CHD6: variants seen among roughly 807,000 people sequenced by gnomAD.
CHD6 encodes ATP-dependent chromatin remodeler CHD6.
In CHD6, 50 loss-of-function variants were observed where a neutral mutation model predicts 276.9. The observed-to-expected ratio is 0.18, with a 90% CI of 0.14 to 0.23. The LOEUF (loss-of-function observed/expected upper bound fraction) is 0.23, where lower values mean the gene tolerates loss of function less well. Among genes scored for constraint, CHD6 ranks in the 10% least tolerant of loss-of-function variants. CHD6 has a pLI of 1.00. For missense variants in CHD6, 2,564 were observed against 3,365.8 expected (o/e 0.76, Z 5.89); for synonymous variants, 1,173 against 1,229.3 (o/e 0.95, Z 0.96).
At chr20:41,447,731 C>T (rs1384881907) in intron 24 of CHD6, 151 bp downstream of exon 24, 1 of 491,540 alleles carries the variant, frequency 2.0e-6, no homozygotes, top group East Asian at 3.2e-5. Flanking sequence ...CCTTATTCTA[C>T]TTGCCTGTTC....
At chr20:41,441,864 T>A (rs2047912399) in intron 25 of CHD6, among the ~76,000 whole-genome samples, 1 of 152,176 alleles carries the variant, frequency 6.6e-6, no homozygotes, top group African/African-American at 2.4e-5. Context: ...TCACTTTTAG[T>A]CTATAAGCTG....
chr20:41,563,992 T>G (rs775598133), intron 1 of CHD6: 5 of 766,506 alleles, frequency 6.5e-6, no homozygotes, highest in Admixed American at 3.6e-5. Context: ...TAATGTCTTT[T>G]GTGGTAGAAC....
Position 41,491,809 on chromosome 20 carries a change from G to C in CHD6, c.1325C>G (p.Ala442Gly), listed in dbSNP as rs2043561934. 6.2e-7 allele frequency: 1 copy of C among 1,613,874 alleles called. No homozygotes were observed. The highest frequency in any genetic ancestry group is 8.5e-7 in the Non-Finnish European group (1 of 1,179,828). ...CTCAAGTTTCTGCCAGGAGTCTGAA[G>C]CAGGCCGCTCCTAGGGAGGAAAGCA... ...LPEIKHVERPASDSWQKLEKS... is the reference protein window; with the variant it reads ...LPEIKHVERPGSDSWQKLEKS... The change falls in exon 11 of 37, where the codon GCT becomes GGT. Residue 442 changes from alanine (A) to glycine (G), a missense_variant. Ala to Gly is a moderately conservative substitution (Grantham distance 60). Coordinates refer to ENST00000373233, the MANE Select transcript of CHD6 (RefSeq NM_032221.5).
In CHD6 at chr20:41,483,484, T is replaced by G; in HGVS notation, c.2293A>C (p.Thr765Pro). 6.2e-7 allele frequency: 1 copy of G among 1,612,840 alleles called. No individual in the cohort carries two copies. ...EEKILEDFRK[T>P]HSPDAPDFQL... ...AAGTCAGGGGCATCAGGGCTGTGGG[T>G]TTTTCGGAAATCTTCTAGAATTTTC... The change falls in exon 16 of 37, where the codon ACC (threonine) becomes CCC (proline). Residue 765 changes from threonine to proline, a missense_variant. Coordinates refer to ENST00000373233, the MANE Select transcript of CHD6 (RefSeq NM_032221.5).
intron 1 of CHD6, among the ~76,000 whole-genome samples, chr20:41,583,879 A>G (rs1394393429): frequency 5.9e-5 from 9 of 152,142 alleles, no homozygotes; most frequent in East Asian, 3.8e-4. Flanking sequence ...ATAAAAAGGT[A>G]TAACTAATAC....
intron 1 of CHD6, among the ~76,000 whole-genome samples, chr20:41,574,817 G>A (rs957505617): frequency 6.6e-6 from 1 of 152,048 alleles, no homozygotes; most frequent in South Asian, 2.1e-4. Context: ...CTGGAGGCAG[G>A]GAACCTGAGG....
intron 27 of CHD6, among the ~76,000 whole-genome samples, chr20:41,430,510 A>G (rs545264357): frequency 6.6e-6 from 1 of 152,256 alleles, no homozygotes; most frequent in African/African-American, 2.4e-5. Flanking sequence ...ATTACTCTCT[A>G]TTGTCTGGAC....
chr20:41,493,718 G>T (rs1046114749), intron 9 of CHD6, 46 bp from the exon 10 acceptor site: 2 of 1,606,444 alleles, frequency 1.2e-6, no homozygotes, highest in African/African-American at 2.7e-5. Context: ...TTAGGTTAAA[G>T]GAGTCAGTAG....
chr20:41,497,996 T>C (rs2043729352), intron 7 of CHD6, 172 bp downstream of exon 7: 1 of 578,968 alleles, frequency 1.7e-6, no homozygotes, highest in African/African-American at 1.9e-5. Context: ...GGTAATTCTG[T>C]GTGCAGCTAT....
intron 1 of CHD6, among the ~76,000 whole-genome samples, chr20:41,573,114 T>C (rs2045436863): frequency 6.6e-6 from 1 of 152,164 alleles, no homozygotes; most frequent in South Asian, 2.1e-4. Flanking sequence ...TTTCACCATG[T>C]TAGCCAGGAT....
intron 16 of CHD6, among the ~76,000 whole-genome samples, chr20:41,474,098 GTCT>G (rs1225552359): frequency 1.3e-5 from 2 of 152,156 alleles, no homozygotes; most frequent in Non-Finnish European, 2.9e-5. Flanking sequence ...TGAAACCAAG[GTCT>G]TCTGGACAGT....
intron 3 of CHD6, among the ~76,000 whole-genome samples, chr20:41,526,069 T>C (rs1301019453): frequency 6.6e-6 from 1 of 152,124 alleles, no homozygotes; most frequent in Non-Finnish European, 1.5e-5. Context: ...CAAGCATTAT[T>C]ATTTAGTAAC....
intron 1 of CHD6, among the ~76,000 whole-genome samples, chr20:41,602,214 G>C (rs529622583): frequency 6.6e-6 from 1 of 152,296 alleles, no homozygotes; most frequent in South Asian, 2.1e-4. Flanking sequence ...CAGTTAAATA[G>C]AGTAACATGA....
chr20:41,410,866 C>A (rs2046821291), intron 36 of CHD6, among the ~76,000 whole-genome samples: 1 of 152,044 alleles, frequency 6.6e-6, no homozygotes, highest in African/African-American at 2.4e-5. Flanking sequence ...GAGACTACAA[C>A]AAAGCAAGAA....
At chr20:41,588,837 A>T (rs2045624414) in intron 1 of CHD6, among the ~76,000 whole-genome samples, 1 of 152,200 alleles carries the variant, frequency 6.6e-6, no homozygotes, top group Admixed American at 6.5e-5. Flanking sequence ...ATGGTCTAAA[A>T]TTATTTTGTT....
In CHD6 at chr20:41,426,144, T is replaced by G. The variant is rs541817510; in HGVS notation, c.4078A>C (p.Ser1360Arg). ...CTAAAAACGCCATCACCTCCATCAC[T>G]GGAACTCTCCTAGGGATAAATAAAG... ...DGLQKQTESS[S>R]DGGDGVFSEK... The change falls in exon 28 of 37, where the codon AGT (serine) becomes CGT (arginine). Residue 1360 changes from serine to arginine, a missense_variant. By Grantham distance (110) the Ser-to-Arg change is moderately radical (BLOSUM62 -1). This residue lies in a region of CHD6 where 515 missense variants were observed against 739.5 expected (regional missense o/e 0.70). Transcript: ENST00000373233. 3 of 1,612,666 alleles carry G rather than the reference T, an allele frequency of 1.9e-6. No individual in the cohort carries two copies. The South Asian group carries it at 3.3e-5, about 18-fold the overall frequency.
At chr20:41,579,366 A>G (rs1402058565) in intron 1 of CHD6, among the ~76,000 whole-genome samples, 1 of 144,176 alleles carries the variant, frequency 6.9e-6, no homozygotes, top group Non-Finnish European at 1.5e-5. Flanking sequence ...TGAGCCCAGG[A>G]GGTAGAGGTT....
rs762002097 is a variant in CHD6, at chr20:41,533,197, G to A, written c.407C>T (p.Pro136Leu). 33 of 1,613,700 alleles carry A rather than the reference G, an allele frequency of 2.0e-5. No individual in the cohort carries two copies. The highest frequency in any genetic ancestry group is 2.7e-5 in the Non-Finnish European group (32 of 1,180,006). The change falls in exon 3 of 37, where the codon CCG (proline) becomes CTG (leucine). Residue 136 changes from proline to leucine, a missense_variant. Physicochemically the swap from Pro to Leu is moderately conservative, Grantham distance 98 (BLOSUM62 -3). Transcript: ENST00000373233. ...EPKEPRKAKE[P>L]KKAKEHKEPK... ...CTCCTTGTGCTCCTTGGCCTTCTTCGGCTCCTTGGCCTTTCTGGGTTCCTT... is the reference window on the plus strand; with the variant it reads ...CTCCTTGTGCTCCTTGGCCTTCTTCAGCTCCTTGGCCTTTCTGGGTTCCTT...
intron 1 of CHD6, among the ~76,000 whole-genome samples, chr20:41,555,580 C>T (rs1382843288): frequency 2.7e-5 from 4 of 150,174 alleles, no homozygotes; most frequent in Non-Finnish European, 5.9e-5. Flanking sequence ...TCAGACGGGG[C>T]GGCCGGGCAG....
Sources: allele counts gnomAD v4.1 joint callset (sites outside exome capture counted in the v4.1 genomes callset), GRCh38; gene constraint gnomAD v4.1.1; regional missense constraint gnomAD v4.1.1; transcripts MANE v1.5; gene names NCBI Gene and HGNC (gene_info 2026-07-23, HGNC 2026-07-21).